The following ANKRD6 variants were observed in gnomAD, a reference collection of about 807,000 sequenced individuals.
ANKRD6 encodes the protein ankyrin repeat domain-containing protein 6.
Under a neutral mutation model 82.3 loss-of-function variants are expected in ANKRD6, and 56 were observed. The ratio of observed to expected loss-of-function variants is 0.68; its 90% CI spans 0.55 to 0.85. The LOEUF is 0.85. Ranked by LOEUF, ANKRD6 falls within the 40% of genes least tolerant of loss-of-function variation. The pLI is 0.00. For missense variants in ANKRD6, 852 were observed against 907.6 expected (o/e 0.94, Z 0.79); for synonymous variants, 347 against 352.1 (o/e 0.99, Z 0.16).
chr6:89,568,165 T>C (rs908638009), intron 2 of ANKRD6: 20 of 152,264 alleles, frequency 1.3e-4, no homozygotes, highest in African/African-American at 4.8e-4. Flanking sequence ...GCTTGTGTGA[T>C]CTACCCATAG....
At chr6:89,480,547 TA>T (rs1177029601) in intron 1 of ANKRD6, among the ~76,000 whole-genome samples, 5 of 150,678 alleles carry the variant, frequency 3.3e-5, no homozygotes, top group Admixed American at 2.6e-4. Context: ...ATATTTTATA[TA>T]TTTTTTGTAT....
chr6:89,562,108 A>T (rs1787511888), intron 1 of ANKRD6, among the ~76,000 whole-genome samples: 1 of 152,206 alleles, frequency 6.6e-6, no homozygotes, highest in South Asian at 2.1e-4. Flanking sequence ...CCAGGTGGGA[A>T]TTAGATTTCT....
intron 1 of ANKRD6, among the ~76,000 whole-genome samples, chr6:89,545,866 G>GCAATC (rs2128018124): frequency 6.6e-6 from 1 of 152,326 alleles, no homozygotes; most frequent in Non-Finnish European, 1.5e-5. Context: ...GTGCAGTGGT[G>GCAATC]CAATCTTGGC....
At chr6:89,566,227 A>G (rs1024338400) in intron 1 of ANKRD6, among the ~76,000 whole-genome samples, 3 of 152,250 alleles carry the variant, frequency 2.0e-5, no homozygotes, top group Non-Finnish European at 4.4e-5. Context: ...GCCACTTGGA[A>G]CAAGGAATTG....
chr6:89,546,039 C>A (rs960237873), intron 1 of ANKRD6, among the ~76,000 whole-genome samples: 1 of 152,240 alleles, frequency 6.6e-6, no homozygotes, highest in East Asian at 1.9e-4. Context: ...GATCTCCTGA[C>A]CTCATGATCT....
intron 1 of ANKRD6, among the ~76,000 whole-genome samples, chr6:89,474,126 C>CAAAAT (rs1409994962): frequency 2.0e-5 from 3 of 151,920 alleles, no homozygotes; most frequent in African/African-American, 4.8e-5. Context: ...CAAAACAAAA[C>CAAAAT]AAAACAAAAC....
chr6:89,479,544 A>C (rs1310548222), intron 1 of ANKRD6, among the ~76,000 whole-genome samples: 5 of 151,184 alleles, frequency 3.3e-5, no homozygotes, highest in Non-Finnish European at 7.4e-5. Context: ...TGTAGCATAC[A>C]TTTTTTGCAT....
At chr6:89,623,684 G>A (rs1468637590) in intron 11 of ANKRD6, 140 bp downstream of exon 11, 35 of 1,357,254 alleles carry the variant, frequency 2.6e-5, no homozygotes, top group Non-Finnish European at 3.4e-5. Context: ...AATTAAATCT[G>A]GCTAACATCA....
In ANKRD6 at chr6:89,633,686, G is replaced by A. The variant is rs1169305573; in HGVS notation, c.*2682G>A. 1 of 152,134 alleles carries A rather than the reference G, an allele frequency of 6.6e-6. No individual in the cohort carries two copies. The highest frequency in any genetic ancestry group is 1.5e-5 in the Non-Finnish European group (1 of 68,022). 9.4% of individuals were successfully genotyped at this position (152,134 alleles called of 1,614,324 possible). A position where few individuals can be genotyped will look rare whatever the true frequency, so the allele number is the denominator to read the frequency against. Reference sequence around the variant, plus strand: ...AAGGGAGTGTTGTTTTCATGGTTATGCCTTGTTTGTGGAGTCAAGTGTTGA... The same window carrying A: ...AAGGGAGTGTTGTTTTCATGGTTATACCTTGTTTGTGGAGTCAAGTGTTGA... On this transcript the variant is annotated 3_prime_UTR_variant, in exon 16 of 16. Transcript: ENST00000339746.
chr6:89,624,760 C>G, intron 13 of ANKRD6, 69 bp downstream of exon 13: 1 of 1,525,100 alleles, frequency 6.6e-7, no homozygotes, highest in Non-Finnish European at 8.8e-7. Context: ...GAACCAACTT[C>G]GACTTTAGCA....
intron 14 of ANKRD6, among the ~76,000 whole-genome samples, chr6:89,628,607 A>C (rs144037429): frequency 9.5e-4 from 144 of 152,232 alleles, no homozygotes; most frequent in African/African-American, 3.4e-3. Context: ...ACCTCTACTA[A>C]GGATACAAAA....
At chr6:89,557,581 G>GT (rs1253582418) in intron 1 of ANKRD6, among the ~76,000 whole-genome samples, 3 of 152,200 alleles carry the variant, frequency 2.0e-5, no homozygotes, top group Non-Finnish European at 4.4e-5. Flanking sequence ...AAACCAGCCG[G>GT]TGGGAGTGCA....
intron 15 of ANKRD6, chr6:89,629,597 C>T: frequency 3.2e-6 from 1 of 309,758 alleles, no homozygotes; most frequent in South Asian, 3.2e-5. Context: ...GCCTTTTGTG[C>T]CTTTTACCTC....
intron 1 of ANKRD6, among the ~76,000 whole-genome samples, chr6:89,564,321 C>CA (rs1788019637): frequency 6.6e-6 from 1 of 151,598 alleles, no homozygotes; most frequent in Non-Finnish European, 1.5e-5. Flanking sequence ...AACTGAAAAG[C>CA]AAAAAAATAG....
chr6:89,531,182 T>C (rs1027574626), intron 1 of ANKRD6, among the ~76,000 whole-genome samples: 3 of 152,234 alleles, frequency 2.0e-5, no homozygotes, highest in African/African-American at 7.2e-5. Flanking sequence ...GGTGCGCTCC[T>C]GTCTGGGAAT....
intron 9 of ANKRD6, chr6:89,618,304 C>T: frequency 3.1e-6 from 2 of 636,056 alleles, no homozygotes; most frequent in South Asian, 1.8e-5. Flanking sequence ...CCCAGCTACT[C>T]AGCCAAGGAA....
chr6:89,620,790 G>T (rs1802944951), intron 9 of ANKRD6, among the ~76,000 whole-genome samples: 1 of 152,140 alleles, frequency 6.6e-6, no homozygotes. Flanking sequence ...ACGAGGCCGG[G>T]TGCGGTGGCT....
At chr6:89,545,597 G>T (rs1001449690) in intron 1 of ANKRD6, among the ~76,000 whole-genome samples, 5 of 152,306 alleles carry the variant, frequency 3.3e-5, no homozygotes, top group Admixed American at 2.0e-4. Flanking sequence ...ATTCCTGTGT[G>T]ACGGGTACAG....
At chr6:89,567,121 G>A in intron 2 of ANKRD6, 25 bp downstream of exon 2, 1 of 1,562,998 alleles carries the variant, frequency 6.4e-7, no homozygotes, top group Non-Finnish European at 8.7e-7. Flanking sequence ...ATACGCTGTA[G>A]CCATTCCCTG....
Sources: gnomAD v4.1 joint callset for allele counts (sites outside exome capture counted in the v4.1 genomes callset) on GRCh38, gnomAD v4.1.1 for gene constraint, MANE v1.5 for transcripts, NCBI Gene and HGNC (gene_info 2026-07-23, HGNC 2026-07-21) for gene names.